OR4F15: variants seen among roughly 807,000 people sequenced by gnomAD.
The protein encoded by OR4F15 is olfactory receptor 4F15.
OR4F15 carries 7 observed loss-of-function variants against 11.9 expected under a neutral mutation model. The observed-to-expected ratio is 0.59, with a 90% confidence interval of 0.33 to 1.10. The LOEUF is 1.10. Among genes scored for constraint, OR4F15 ranks in the 50% least tolerant of loss-of-function variants. The probability of loss-of-function intolerance (pLI) is 0.03; values close to 1 mark genes in which losing one functional copy is unlikely to be tolerated. For missense variants in OR4F15, 445 were observed against 377.5 expected (o/e 1.18, Z -1.48); for synonymous variants, 151 against 134.6 (o/e 1.12, Z -0.84).
In OR4F15 at chr15:101,818,505, C is replaced by G. The variant is rs1278320950; in HGVS notation, c.319C>G (p.Leu107Val). Residue 107 changes from leucine (L) to valine (V), a missense_variant, in exon 2 of 2, where the codon CTT (leucine) becomes GTT (valine). By Grantham distance (32) the Leu-to-Val change is conservative. Transcript: ENST00000332238. Reference sequence around the variant, plus strand: ...TACTCAGATCTTCTTTAGCCATGCTCTTGGGGGCACTGAGATGGTGCTGCT... The same window carrying G: ...TACTCAGATCTTCTTTAGCCATGCTGTTGGGGGCACTGAGATGGTGCTGCT... ...CITQIFFSHALGGTEMVLLIA... is the reference protein window; with the variant it reads ...CITQIFFSHAVGGTEMVLLIA... The G allele has an allele frequency of 1.9e-6, 3 of 1,614,140 alleles. No homozygotes were observed. The highest frequency in any genetic ancestry group is 2.5e-6 in the Non-Finnish European group (3 of 1,180,012).
intron 1 of OR4F15, among the ~76,000 whole-genome samples, chr15:101,815,144 T>C (rs1312508687): frequency 6.6e-6 from 1 of 152,170 alleles, no homozygotes; most frequent in African/African-American, 2.4e-5. Flanking sequence ...CACAGAATGG[T>C]TTGCACAACT....
At chr15:101,816,640 C>CCTTT (rs1902994184) in intron 1 of OR4F15, among the ~76,000 whole-genome samples, 1 of 152,212 alleles carries the variant, frequency 6.6e-6, no homozygotes, top group Admixed American at 6.5e-5. Context: ...CCACCAATTA[C>CCTTT]CTTTGTGAGG....
intron 1 of OR4F15, among the ~76,000 whole-genome samples, chr15:101,817,511 A>G (rs1359792192): frequency 6.6e-6 from 1 of 152,186 alleles, no homozygotes; most frequent in Non-Finnish European, 1.5e-5. Flanking sequence ...AATTGGAGAA[A>G]TGGACATTTA....
In OR4F15 at chr15:101,812,260, A is replaced by G. The variant is rs1167495072; in HGVS notation, c.-50A>G. 6.6e-6 allele frequency: 1 copy of G among 152,260 alleles called. No homozygotes were observed. The highest frequency in any genetic ancestry group is 1.9e-4 in the East Asian group (1 of 5,204). The allele number at this position is 152,260 out of a possible 1,614,324, so 9.4% of individuals were successfully genotyped here. On this transcript the variant is annotated 5_prime_UTR_variant, in exon 1 of 2. Coordinates refer to ENST00000332238, the MANE Select transcript of OR4F15 (RefSeq NM_001001674.2). ...GATAAACTAGATAAACTTCAGCTGC[A>G]AGAAAGACTCAGGTAACAGTTTGTT...
chr15:101,818,319 A>G lies in OR4F15; in HGVS notation c.133A>G (p.Ile45Val), dbSNP rs1199038591. ...TGCGAGCATGATGGGAAACCTTGTC[A>G]TTGTATTCACTGTAACCATGGATGC... ...YFASMMGNLVIVFTVTMDAHL... is the reference protein window; with the variant it reads ...YFASMMGNLVVVFTVTMDAHL... The change falls in exon 2 of 2, where the codon ATT becomes GTT. Residue 45 changes from isoleucine to valine, a missense_variant. Ile to Val is a conservative substitution (Grantham distance 29). Transcript: ENST00000332238. 6.2e-7 allele frequency: 1 copy of G among 1,614,090 alleles called. No individual in the cohort carries two copies. Among genetic ancestry groups the G allele is most frequent in the Admixed American group, 1.7e-5 (1 of 60,024 alleles).
intron 1 of OR4F15, among the ~76,000 whole-genome samples, chr15:101,812,760 C>A (rs75710436): frequency 6.6e-6 from 1 of 151,976 alleles, no homozygotes; most frequent in African/African-American, 2.4e-5. Flanking sequence ...TTTTAACTCA[C>A]CCTGAACTAA....
rs141041661 is a variant in OR4F15, at chr15:101,818,398, T to A, written c.212T>A (p.Met71Lys). The change falls in exon 2 of 2, where the codon ATG (methionine) becomes AAG (lysine). Residue 71 changes from methionine (M) to lysine (K), a missense_variant. Met to Lys is a moderately conservative substitution (Grantham distance 95, BLOSUM62 -1). Transcript: ENST00000332238. ...CTGGCTAACCTCTCAATCATTGATA[T>A]GGCATTTTGCTCAATTACAGCCCCT... ...FLLANLSIIDMAFCSITAPKM... is the reference protein window; with the variant it reads ...FLLANLSIIDKAFCSITAPKM... 2 of 1,614,134 alleles carry A rather than the reference T, an allele frequency of 1.2e-6. No individual in the cohort carries two copies. The highest frequency in any genetic ancestry group is 1.7e-6 in the Non-Finnish European group (2 of 1,179,950).
In OR4F15 at chr15:101,820,002, C is replaced by G. The variant is rs1340237553; in HGVS notation, c.*877C>G. ...GATTACCAACACCATCTGTTCCAAT[C>G]CCCTCAAATTACACGTACTAAAATC... On this transcript the variant is annotated 3_prime_UTR_variant, in exon 2 of 2. Transcript: ENST00000332238. The G allele has an allele frequency of 6.6e-6, 1 of 152,176 alleles. No homozygotes were observed. Among genetic ancestry groups the G allele is most frequent in the African/African-American group, 2.4e-5 (1 of 41,444 alleles). 9.4% of individuals were successfully genotyped at this position (152,176 alleles called of 1,614,324 possible).
At position 101,819,755 on chromosome 15, in the gene OR4F15, C is replaced by A. The variant is rs1903072323; in HGVS notation, c.*630C>A. On this transcript the variant is annotated 3_prime_UTR_variant, in exon 2 of 2. Transcript: ENST00000332238. The stretch of plus-strand genomic sequence containing the variant: ...TCTGGAACCCCTGACCTCTAGTGAT[C>A]CACCTGCCTCGGCCTCCCAAAGTGC... 1 of 152,510 alleles carries A rather than the reference C, an allele frequency of 6.6e-6. No individual in the cohort carries two copies. The highest frequency in any genetic ancestry group is 1.5e-5 in the Non-Finnish European group (1 of 68,348). The allele number at this position is 152,510 out of a possible 1,614,324, so 9.4% of individuals were successfully genotyped here.
chr15:101,818,981 A>C lies in OR4F15; in HGVS notation c.795A>C (p.Ser265=). Residue 265 remains serine, a synonymous_variant, in exon 2 of 2, where the codon TCA becomes TCC. Transcript: ENST00000332238. ...TCTACACATGGCCTTCTCCCACATC[A>C]CACCTGGATAAATATCTTGCTATTT... ...MFFYTWPSPT[S]HLDKYLAIFD... is the part of the protein sequence containing the mutation. The C allele has an allele frequency of 6.2e-7, 1 of 1,613,990 alleles. No homozygotes were observed. Among genetic ancestry groups the C allele is most frequent in the South Asian group, 1.1e-5 (1 of 91,072 alleles).
intron 1 of OR4F15, among the ~76,000 whole-genome samples, chr15:101,817,803 C>G (rs1021695194): frequency 6.6e-6 from 1 of 152,148 alleles, no homozygotes; most frequent in African/African-American, 2.4e-5. Context: ...TGGCTGAAAT[C>G]ATATCCATTG....
At chr15:101,812,503 A>G (rs1463343789) in intron 1 of OR4F15, among the ~76,000 whole-genome samples, 2 of 152,138 alleles carry the variant, frequency 1.3e-5, no homozygotes, top group Non-Finnish European at 2.9e-5. Flanking sequence ...ATGCATGTAA[A>G]GTTGTTTGTG....
Position 101,818,445 on chromosome 15 carries a change from A to G in OR4F15, c.259A>G (p.Lys87Glu). 2 of 1,614,134 alleles carry G rather than the reference A, an allele frequency of 1.2e-6. No homozygotes were observed. The change falls in exon 2 of 2, where the codon AAG becomes GAG. Residue 87 changes from lysine to glutamate, a missense_variant. Coordinates refer to ENST00000332238, the MANE Select transcript of OR4F15 (RefSeq NM_001001674.2). ...CCCTAAGATGATTTGTGATATTTTC[A>G]AGAAGCACAAGGCCATCTCCTTTCG... ...TAPKMICDIF[K>E]KHKAISFRGC...
At position 101,819,499 on chromosome 15, in the gene OR4F15, T is replaced by G. The variant is rs1903066230; in HGVS notation, c.*374T>G. The G allele has an allele frequency of 6.6e-6, 1 of 152,046 alleles. No individual in the cohort carries two copies. Among genetic ancestry groups the G allele is most frequent in the Non-Finnish European group, 1.4e-5 (1 of 71,426 alleles). The allele number at this position is 152,046 out of a possible 1,614,324, so 9.4% of individuals were successfully genotyped here. A position where few individuals can be genotyped will look rare whatever the true frequency, so the allele number is the denominator to read the frequency against. On this transcript the variant is annotated 3_prime_UTR_variant, in exon 2 of 2. Coordinates refer to ENST00000332238, the MANE Select transcript of OR4F15 (RefSeq NM_001001674.2). ...TACCACCTAACTCCTATTTATTTAT[T>G]TATTTAGTTAGTTAGTTACTTATTT...
At position 101,818,184 on chromosome 15, in the gene OR4F15, G is replaced by T. The variant is rs1485393969; in HGVS notation, c.-3G>T. ...ATGAAAACTGATCTTGGAGTCTGAG[G>T]CAATGAATGGAATGAATCACTCTGT... On this transcript the variant is annotated 5_prime_UTR_variant, in exon 2 of 2. Transcript: ENST00000332238. The T allele has an allele frequency of 1.3e-6, 2 of 1,584,672 alleles. No individual in the cohort carries two copies. Among genetic ancestry groups the T allele is most frequent in the Non-Finnish European group, 1.7e-6 (2 of 1,158,844 alleles).
chr15:101,817,396 CTT>C (rs1903007765), intron 1 of OR4F15, among the ~76,000 whole-genome samples: 1 of 152,172 alleles, frequency 6.6e-6, no homozygotes, highest in Non-Finnish European at 1.5e-5. Flanking sequence ...GTGTGAAACA[CTT>C]ATTATGTGAC....
chr15:101,815,010 C>A (rs1042860933), intron 1 of OR4F15, among the ~76,000 whole-genome samples: 9 of 152,114 alleles, frequency 5.9e-5, no homozygotes, highest in Non-Finnish European at 1.2e-4. Flanking sequence ...GCCTTAATAG[C>A]ATCTTTGCTA....
Position 101,818,610 on chromosome 15 carries a change from C to G in OR4F15, c.424C>G (p.Leu142Val), listed in dbSNP as rs775043337. 4.3e-6 allele frequency: 7 copies of G among 1,614,030 alleles called. No homozygotes were observed. The highest frequency in any genetic ancestry group is 1.3e-5 in the African/African-American group (1 of 74,928). ...GACCATCATGAGCCCAAGAATGTGT[C>G]TATACTTTTTAGCCACTTCCTCTAT... ...YLTIMSPRMC[L>V]YFLATSSIIG... The change falls in exon 2 of 2, where the codon CTA becomes GTA. Residue 142 changes from leucine to valine, a missense_variant. Coordinates refer to ENST00000332238, the MANE Select transcript of OR4F15 (RefSeq NM_001001674.2).
intron 1 of OR4F15, among the ~76,000 whole-genome samples, chr15:101,816,379 A>G (rs1902989233): frequency 6.6e-6 from 1 of 152,162 alleles, no homozygotes; most frequent in African/African-American, 2.4e-5. Context: ...CTCCAGGAGG[A>G]ATGCAGCTCT....
Sources: allele counts gnomAD v4.1 joint callset (sites outside exome capture counted in the v4.1 genomes callset), GRCh38; gene constraint gnomAD v4.1.1; transcripts MANE v1.5; gene names NCBI Gene and HGNC (gene_info 2026-07-23, HGNC 2026-07-21).